The following LZTFL1 variants were observed in gnomAD, a reference collection of about 807,000 sequenced individuals.
The protein encoded by LZTFL1 is leucine zipper transcription factor like 1.
A neutral mutation model predicts 45.9 loss-of-function variants in LZTFL1; 25 were observed. The ratio of observed to expected loss-of-function variants is 0.54; its 90% CI spans 0.40 to 0.76. The LOEUF (loss-of-function observed/expected upper bound fraction) is 0.76, where lower values mean the gene tolerates loss of function less well. Among genes scored for constraint, LZTFL1 ranks in the 30% least tolerant of loss-of-function variants. The probability of loss-of-function intolerance (pLI) is 0.00; values close to 1 mark genes in which losing one functional copy is unlikely to be tolerated. For missense variants in LZTFL1, 277 were observed against 331.1 expected (o/e 0.84, Z 1.27); for synonymous variants, 93 against 117.4 (o/e 0.79, Z 1.35).
chr3:45,861,426 C>A (rs1434305526), intron 2 of LZTFL1, among the ~76,000 whole-genome samples: 1 of 152,154 alleles, frequency 6.6e-6, no homozygotes, highest in Non-Finnish European at 1.5e-5. Flanking sequence ...AATATACCTG[C>A]CTTATTCCTG....
chr3:45,837,801 C>A, intron 2 of LZTFL1, 126 bp downstream of exon 2: 1 of 1,020,352 alleles, frequency 9.8e-7, no homozygotes. Flanking sequence ...AGTGTAGCTG[C>A]TCTTAGCAAA....
chr3:45,911,769 T>C (rs1393117990), intron 2 of LZTFL1, among the ~76,000 whole-genome samples: 2 of 152,238 alleles, frequency 1.3e-5, no homozygotes, highest in Non-Finnish European at 2.9e-5. Flanking sequence ...GGTCACCCCT[T>C]TGGTGAATGC....
At chr3:45,890,543 G>T (rs905507663) in intron 2 of LZTFL1, among the ~76,000 whole-genome samples, 5 of 150,596 alleles carry the variant, frequency 3.3e-5, no homozygotes, top group African/African-American at 1.2e-4. Flanking sequence ...TCTGCTTGCT[G>T]GGTGAGTTTC....
In LZTFL1 at chr3:45,914,476, G is replaced by C. The variant is rs567526393; in HGVS notation, c.-273+945C>G. On this transcript the variant is annotated intron_variant, in intron 1 of 4. Coordinates refer to the LZTFL1 transcript ENST00000472635. The stretch of plus-strand genomic sequence containing the variant: ...TTTGGTAGAGACGGGGTCTCCCTAT[G>C]TTATGCAGGTTGGCCTTGAACTCCT... Among the ~76,000 whole-genome samples, 6 of 152,182 alleles carry C rather than the reference G, an allele frequency of 3.9e-5. No individual in the cohort carries two copies. In the East Asian group the frequency reaches 1.2e-3, roughly 29 times the overall value.
chr3:45,906,914 C>G (rs1191808286), intron 2 of LZTFL1, among the ~76,000 whole-genome samples: 2 of 152,212 alleles, frequency 1.3e-5, no homozygotes, highest in African/African-American at 4.8e-5. Flanking sequence ...CTCTCAGATG[C>G]AAGACCGATG....
Position 45,901,780 on chromosome 3 carries a change from C to T in LZTFL1, c.-215+11340G>A. 2.5e-6 allele frequency: 4 copies of T among 1,614,134 alleles called. No homozygotes were observed. The highest frequency in any genetic ancestry group is 3.4e-6 in the Non-Finnish European group (4 of 1,180,032). On this transcript the variant is annotated intron_variant, in intron 2 of 4. Coordinates refer to the LZTFL1 transcript ENST00000472635. The surrounding 1 kb of genome is among the most constrained non-coding windows in gnomAD (Gnocchi z 4.3). ...AGATTCCGCCGGGATCTCGTGAAAA[C>T]CCTGAAGAACTTGGGTTGCATCAGC...
rs17855512 is a variant in LZTFL1 at position 45,833,052 on chromosome 3, T to G, written c.454A>C (p.Lys152Gln). 1.2e-6 allele frequency: 2 copies of G among 1,609,716 alleles called. No homozygotes were observed. Among genetic ancestry groups the G allele is most frequent in the Non-Finnish European group, 1.7e-6 (2 of 1,176,336 alleles). The part of the protein sequence containing the change: ...NEGGTAELLN[K>Q]EILRLQEENE... Reference sequence around the variant, plus strand: ...GTTTCTCAAAATAATAATATTACCTTGTTTAGGAGTTCTGCTGTTCCACCT... The same window carrying G: ...GTTTCTCAAAATAATAATATTACCTGGTTTAGGAGTTCTGCTGTTCCACCT... Residue 152 changes from lysine (K) to glutamine (Q), a missense_variant and splice_region_variant, in exon 5 of 10, where the codon AAG becomes CAG. Coordinates refer to ENST00000296135, the MANE Select transcript of LZTFL1 (RefSeq NM_020347.4).
intron 2 of LZTFL1, among the ~76,000 whole-genome samples, chr3:45,890,985 A>G (rs1319399829): frequency 6.6e-6 from 1 of 152,236 alleles, no homozygotes; most frequent in Non-Finnish European, 1.5e-5. Flanking sequence ...GAGGGAAAAC[A>G]ACAGAAAGTT....
chr3:45,843,554 C>T (rs1701168794), upstream of LZTFL1, among the ~76,000 whole-genome samples: 1 of 152,204 alleles, frequency 6.6e-6, no homozygotes, highest in South Asian at 2.1e-4. Flanking sequence ...GAAGTGTTAT[C>T]AATTCAAGGG....
At chr3:45,854,921 A>T (rs1430182141) in intron 4 of LZTFL1, 1 of 1,198,884 alleles carries the variant, frequency 8.3e-7, no homozygotes, top group Admixed American at 2.2e-5. Flanking sequence ...GAATAACAAT[A>T]AAAAAACAGG....
In LZTFL1 at chr3:45,897,562, C is replaced by G. The variant is rs932994037; in HGVS notation, c.-215+15558G>C. The G allele has an allele frequency of 3.3e-6, 5 of 1,533,974 alleles. No individual in the cohort carries two copies. In the African/African-American group the frequency reaches 5.5e-5, roughly 17 times the overall value. On this transcript the variant is annotated intron_variant, in intron 2 of 4. Transcript: ENST00000472635. ...ATTTCTCCCATTCTGCTCCTGCAGT[C>G]TCCTCCAGGCCCCGCTCCAGATCAC...
At chr3:45,828,070 A>T (rs1700714033) in intron 8 of LZTFL1, among the ~76,000 whole-genome samples, 1 of 152,142 alleles carries the variant, frequency 6.6e-6, no homozygotes. Context: ...TATTTTATAT[A>T]AATTATGACA....
chr3:45,855,887 A>C (rs1701384863), intron 3 of LZTFL1, among the ~76,000 whole-genome samples: 1 of 152,214 alleles, frequency 6.6e-6, no homozygotes, highest in South Asian at 2.1e-4. Context: ...ACCACTGCTC[A>C]AGGAAATCAG....
chr3:45,886,449 A>T (rs1211942061), intron 2 of LZTFL1: 3 of 151,784 alleles, frequency 2.0e-5, no homozygotes. Context: ...TACACAGGTG[A>T]CTCCCCACCC....
intron 2 of LZTFL1, among the ~76,000 whole-genome samples, chr3:45,837,117 A>T (rs531222605): frequency 5.9e-5 from 9 of 152,346 alleles, no homozygotes; most frequent in African/African-American, 2.2e-4. Flanking sequence ...TTTGTTTTAT[A>T]ATTCTTTAAT....
intron 2 of LZTFL1, among the ~76,000 whole-genome samples, chr3:45,888,224 G>T (rs1298870939): frequency 6.6e-6 from 1 of 152,072 alleles, no homozygotes; most frequent in Admixed American, 6.5e-5. Context: ...TGACTTTCAT[G>T]CCTTAGTGCA....
At chr3:45,873,735 T>TAAACC (rs1280800742) in intron 2 of LZTFL1, among the ~76,000 whole-genome samples, 1 of 152,138 alleles carries the variant, frequency 6.6e-6, no homozygotes, top group Non-Finnish European at 1.5e-5. Context: ...CAAACCAAAC[T>TAAACC]AAACCAAACC....
At chr3:45,832,994 T>G (rs1700871229) in intron 5 of LZTFL1, 56 bp downstream of exon 5, 8 of 1,305,732 alleles carry the variant, frequency 6.1e-6, no homozygotes, top group Non-Finnish European at 8.8e-6. Flanking sequence ...TTCTCCACCC[T>G]AGGCAATGAC....
intron 2 of LZTFL1, among the ~76,000 whole-genome samples, chr3:45,884,802 C>G (rs1701937229): frequency 6.6e-6 from 1 of 152,228 alleles, no homozygotes; most frequent in African/African-American, 2.4e-5. Flanking sequence ...ACAAATTCAG[C>G]CAAGAAAGTC....
Sources: gnomAD v4.1 joint callset for allele counts (sites outside exome capture counted in the v4.1 genomes callset) on GRCh38, gnomAD v4.1.1 for gene constraint, Gnocchi (gnomAD v3.1) non-coding constraint, MANE v1.5 for transcripts, NCBI Gene and HGNC (gene_info 2026-07-23, HGNC 2026-07-21) for gene names.